The following PC variants were observed in gnomAD, a reference collection of about 807,000 sequenced individuals.
The protein encoded by PC is pyruvate carboxylase, mitochondrial.
A neutral mutation model predicts 107.8 loss-of-function variants in PC; 46 were observed. The ratio of observed to expected loss-of-function variants is 0.43; its 90% CI spans 0.34 to 0.55. The LOEUF is 0.55. Ranked by LOEUF, PC falls within the 20% of genes least tolerant of loss-of-function variation. The pLI, the probability that PC is intolerant of heterozygous loss-of-function variation, is 0.04. For synonymous variants in PC, 662 were observed against 684.7 expected, an observed-to-expected ratio of 0.97 and a Z score of 0.52; for missense variants, 1,241 against 1,643.1, an observed-to-expected ratio of 0.76 and a Z score of 4.23.
rs1164265934 is a variant in PC, at chr11:66,857,798, G to A, written c.1369-4415C>T. ...TGGCCAGTGGAGCGGCCGCCTGCCC[G>A]CTGCCCTGCGTCTGCCAGAACCTGT... On this transcript the variant is annotated intron_variant, in intron 12 of 22. Coordinates refer to ENST00000393960, the MANE Select transcript of PC (RefSeq NM_001040716.2). The surrounding 1 kb of genome is among the most constrained non-coding windows in gnomAD (Gnocchi z 7.1). 1.3e-6 allele frequency: 2 copies of A among 1,599,028 alleles called. No individual in the cohort carries two copies. Among genetic ancestry groups the A allele is most frequent in the Non-Finnish European group, 1.7e-6 (2 of 1,178,872 alleles).
chr11:66,943,741 G>A (rs747659592), intron 3 of PC, among the ~76,000 whole-genome samples: 1 of 95,028 alleles, frequency 1.1e-5, no homozygotes, highest in Non-Finnish European at 1.9e-5. Context: ...GGGCTATAGA[G>A]CAAGACTCCG....
At chr11:66,868,488 G>A (rs114735625) in intron 10 of PC, among the ~76,000 whole-genome samples, 2,347 of 152,262 alleles carry the variant, frequency 0.015, 66 homozygotes, top group African/African-American at 0.053. Flanking sequence ...AAAGACAGCC[G>A]GAGATGCCTG....
intron 3 of PC, among the ~76,000 whole-genome samples, chr11:66,946,043 G>A (rs932784951): frequency 1.4e-5 from 2 of 142,374 alleles, no homozygotes; most frequent in South Asian, 2.2e-4. Context: ...CCAAGATTGC[G>A]CCACTGCAGT....
chr11:66,910,316 T>C (rs566992445), intron 3 of PC, among the ~76,000 whole-genome samples: 1 of 152,284 alleles, frequency 6.6e-6, no homozygotes, highest in Non-Finnish European at 1.5e-5. Flanking sequence ...TCTTGGCTCA[T>C]GGTCCATCCT....
In PC at chr11:66,870,633, G is replaced by A. The variant is rs1946687868; in HGVS notation, c.751+142C>T. ...GGACCAACTGCCAGCTCGGCCCCTAGAGCCCACTTTCCAGAGTCCTCTGGA... is the reference window on the plus strand; with the variant it reads ...GGACCAACTGCCAGCTCGGCCCCTAAAGCCCACTTTCCAGAGTCCTCTGGA... On this transcript the variant is annotated intron_variant, in intron 8 of 22. Transcript: ENST00000393960. The surrounding 1 kb of genome is among the most constrained non-coding windows in gnomAD (Gnocchi z 6.1). 3 of 1,121,014 alleles carry A rather than the reference G, an allele frequency of 2.7e-6. No homozygotes were observed. The highest frequency in any genetic ancestry group is 4.0e-6 in the Non-Finnish European group (3 of 748,662). 69.4% of individuals were successfully genotyped at this position (1,121,014 alleles called of 1,614,324 possible). A position where few individuals can be genotyped will look rare whatever the true frequency, so the allele number is the denominator to read the frequency against.
chr11:66,883,049 T>TCTGAG (rs1310915163), intron 3 of PC, among the ~76,000 whole-genome samples: 2 of 152,042 alleles, frequency 1.3e-5, no homozygotes, highest in Non-Finnish European at 2.9e-5. Flanking sequence ...CTGTCCGGGC[T>TCTGAG]CTGGGCCCCC....
At position 66,949,405 on chromosome 11, in the gene PC, A is replaced by G. The variant is rs189289515; in HGVS notation, c.-1+3025T>C. ...AAATGGGACCAAGCATTAATCAAAA[A>G]GCCCCCTAAGGCCGGGGCGGCGGCT... On this transcript the variant is annotated intron_variant, in intron 3 of 22. Transcript: ENST00000393960. Among the ~76,000 whole-genome samples the G allele has an allele frequency of 5.4e-4, 82 of 152,080 alleles. 1 individual carries two copies. In the East Asian group the frequency reaches 0.016, roughly 29 times the overall value.
chr11:66,904,450 G>A (rs1948090856), intron 3 of PC, among the ~76,000 whole-genome samples: 1 of 152,156 alleles, frequency 6.6e-6, no homozygotes, highest in South Asian at 2.1e-4. Flanking sequence ...ACCAGCCTGG[G>A]CAATACGGTG....
intron 3 of PC, among the ~76,000 whole-genome samples, chr11:66,926,592 C>G (rs1395033960): frequency 6.6e-6 from 1 of 152,190 alleles, no homozygotes; most frequent in Non-Finnish European, 1.5e-5. Flanking sequence ...TGCACATATT[C>G]TGGTTACCAG....
rs1945948105 is a variant in PC, at chr11:66,857,692, G to C, written c.1369-4309C>G. The C allele has an allele frequency of 6.5e-7, 1 of 1,534,554 alleles. No homozygotes were observed. The highest frequency in any genetic ancestry group is 8.7e-7 in the Non-Finnish European group (1 of 1,145,528). On this transcript the variant is annotated intron_variant, in intron 12 of 22. Coordinates refer to ENST00000393960, the MANE Select transcript of PC (RefSeq NM_001040716.2). The surrounding 1 kb of genome is among the most constrained non-coding windows in gnomAD (Gnocchi z 7.1). ...CTGTCCTGGGCCCAAGTGGGCACCT[G>C]CGCCAGCCCCACCTGTGCCTGGGCT...
At position 66,849,833 on chromosome 11, in the gene PC, C is replaced by T; in HGVS notation, c.2925G>A (p.Glu975=). The change falls in exon 21 of 23, where the codon GAG becomes GAA. Residue 975 remains glutamate, a synonymous_variant. Coordinates refer to ENST00000393960, the MANE Select transcript of PC (RefSeq NM_001040716.2). ...GAGGGAGGGAGGCTCCAGGCCGCCC[C>T]TCCACCCTTGGCAGGTCCTTCAGTA... ...SKVLKDLPRV[E]GRPGASLPPL... 8 of 1,613,850 alleles carry T rather than the reference C, an allele frequency of 5.0e-6. No homozygotes were observed. Among genetic ancestry groups the T allele is most frequent in the Non-Finnish European group, 5.9e-6 (7 of 1,180,014 alleles).
At chr11:66,906,460 G>C (rs36017943) in intron 3 of PC, among the ~76,000 whole-genome samples, 11,101 of 152,262 alleles carry the variant, frequency 0.073, 578 homozygotes, top group Middle Eastern at 0.13. Flanking sequence ...CCACCTGACA[G>C]AGAACAAAGC....
rs777574692 is a variant in PC at position 66,851,868 on chromosome 11, G to A, written c.1904C>T (p.Pro635Leu). 1.2e-6 allele frequency: 2 copies of A among 1,614,116 alleles called. No homozygotes were observed. The highest frequency in any genetic ancestry group is 2.2e-5 in the East Asian group (1 of 44,882). The change falls in exon 16 of 23, where the codon CCC becomes CTC. Residue 635 changes from proline (P) to leucine (L), a missense_variant. By Grantham distance (98) the Pro-to-Leu change is moderately conservative. This residue lies in a region of PC where 1,143 missense variants were observed against 1,551.9 expected (regional missense o/e 0.74). Transcript: ENST00000393960. ...CAGCAGCATCTGGAAAGGGATGTTGGGGATGAGCTCCCGGAGCTCCTGCAG... is the reference window on the plus strand; with the variant it reads ...CAGCAGCATCTGGAAAGGGATGTTGAGGATGAGCTCCCGGAGCTCCTGCAG... ...RRLQELRELI[P>L]NIPFQMLLRG...
intron 3 of PC, among the ~76,000 whole-genome samples, chr11:66,895,868 A>G (rs1318082569): frequency 1.3e-5 from 2 of 152,208 alleles, no homozygotes; most frequent in Non-Finnish European, 2.9e-5. Flanking sequence ...ACTTGCTGAG[A>G]GCCTCACGAA....
At chr11:66,918,436 T>A (rs2136085174) in intron 3 of PC, among the ~76,000 whole-genome samples, 1 of 151,964 alleles carries the variant, frequency 6.6e-6, no homozygotes, top group Admixed American at 6.6e-5. Flanking sequence ...TTGCCCAGGC[T>A]GGAGTGCAGT....
intron 12 of PC, among the ~76,000 whole-genome samples, chr11:66,862,225 G>A (rs769612734): frequency 3.3e-5 from 5 of 152,174 alleles, no homozygotes; most frequent in Non-Finnish European, 7.4e-5. Context: ...TGCACGACAG[G>A]GACCCCCAAC....
chr11:66,941,665 G>C (rs961033029), intron 3 of PC, among the ~76,000 whole-genome samples: 10 of 151,984 alleles, frequency 6.6e-5, no homozygotes, highest in Middle Eastern at 3.2e-3. Flanking sequence ...CTAATTTTTT[G>C]TATTTTTTAG....
chr11:66,848,710 C>T lies in PC; in HGVS notation c.*189G>A. On this transcript the variant is annotated 3_prime_UTR_variant, in exon 23 of 23. Transcript: ENST00000393960. ...AAGAGATGAACATGTAAGCAGCTGT[C>T]CGCCGGAGGAAAGGACGATGGCTGA... The T allele has an allele frequency of 1.5e-6, 1 of 683,338 alleles. No individual in the cohort carries two copies. Among genetic ancestry groups the T allele is most frequent in the East Asian group, 2.7e-5 (1 of 36,976 alleles). 42.3% of individuals were successfully genotyped at this position (683,338 alleles called of 1,614,324 possible).
At chr11:66,863,991 G>C (rs773051907) in intron 11 of PC, 35 bp from the exon 12 acceptor site, 35 of 1,611,164 alleles carry the variant, frequency 2.2e-5, no homozygotes, top group Non-Finnish European at 2.8e-5. Context: ...ACCTGCGCCA[G>C]AAACTGCGGT....
Sources: allele counts gnomAD v4.1 joint callset (sites outside exome capture counted in the v4.1 genomes callset), GRCh38; gene constraint gnomAD v4.1.1; regional missense constraint gnomAD v4.1.1; non-coding constraint Gnocchi (gnomAD v3.1); transcripts MANE v1.5; gene names NCBI Gene and HGNC (gene_info 2026-07-23, HGNC 2026-07-21).